The following POLD1 variants were observed in gnomAD, a reference collection of about 807,000 sequenced individuals.
The protein encoded by POLD1 is DNA polymerase delta catalytic subunit.
In POLD1, 79 loss-of-function variants were observed where a neutral mutation model predicts 129.7. The ratio of observed to expected loss-of-function variants is 0.61; its 90% CI spans 0.51 to 0.73. The LOEUF (loss-of-function observed/expected upper bound fraction) is 0.73, where lower values mean the gene tolerates loss of function less well. Among genes scored for constraint, POLD1 ranks in the 30% least tolerant of loss-of-function variants. The pLI is 0.00. For missense variants in POLD1, 1,338 were observed against 1,595.8 expected, an observed-to-expected ratio of 0.84 and a Z score of 2.75; for synonymous variants, 714 against 683.3, an observed-to-expected ratio of 1.04 and a Z score of -0.70.
Position 50,402,238 on chromosome 19 carries a change from C to G in POLD1, c.623C>G (p.Pro208Arg). 6.3e-7 allele frequency: 1 copy of G among 1,592,620 alleles called. No homozygotes were observed. Among genetic ancestry groups the G allele is most frequent in the Non-Finnish European group, 8.6e-7 (1 of 1,168,478 alleles). Residue 208 changes from proline (P) to arginine (R), a missense_variant, in exon 6 of 27, where the codon CCG (proline) becomes CGG (arginine). Transcript: ENST00000440232. ...MFGYHGHGPS[P>R]FLRITVALPR... ...GGGTACCACGGGCACGGCCCCTCCC[C>G]GTTCCTGCGCATCACCGTGGCGCTG...
chr19:50,409,673 A>G lies in POLD1; in HGVS notation c.2154+7A>G, dbSNP rs751340337. On this transcript the variant is annotated splice_region_variant and intron_variant, in intron 17 of 26. Transcript: ENST00000440232. The surrounding 1 kb of genome is among the most constrained non-coding windows in gnomAD (Gnocchi z 5.8). ...GTGCCTGGAGATCTCACAGGTGGGC[A>G]CTCGGGCCCCTGGAAGGCAACTGGG... 1 of 1,592,622 alleles carries G rather than the reference A, an allele frequency of 6.3e-7. No individual in the cohort carries two copies. Among genetic ancestry groups the G allele is most frequent in the South Asian group, 1.1e-5 (1 of 89,674 alleles).
intron 3 of POLD1, among the ~76,000 whole-genome samples, chr19:50,401,392 T>TGTATATGTGTGTG: frequency 2.1e-5 from 1 of 47,200 alleles, no homozygotes; most frequent in Non-Finnish European, 3.6e-5. Flanking sequence ...TATATATATA[T>TGTATATGTGTGTG]TTTTTTTTTT....
rs1484596172 is a variant in POLD1 at position 50,398,963 on chromosome 19, C to G, written c.112C>G (p.Leu38Val). The G allele has an allele frequency of 1.3e-6, 2 of 1,581,700 alleles. No homozygotes were observed. Among genetic ancestry groups the G allele is most frequent in the East Asian group, 2.3e-5 (1 of 43,846 alleles). Residue 38 changes from leucine (L) to valine (V), a missense_variant, in exon 2 of 27, where the codon CTG (leucine) becomes GTG (valine). Around this residue, in one of 3 missense-constraint regions of POLD1, gnomAD observed 332 missense variants for 315.7 expected, o/e 1.05. Transcript: ENST00000440232. ...APRPSQFEED[L>V]ALMEEMEAEH... is the part of the protein sequence containing the mutation. ...TCGGCCATCCCAATTCGAGGAGGAC[C>G]TGGCACTGATGGAGGAGATGGAGGC...
At chr19:50,407,651 C>T (rs1427372437) in intron 14 of POLD1, among the ~76,000 whole-genome samples, 2 of 151,132 alleles carry the variant, frequency 1.3e-5, no homozygotes, top group South Asian at 4.2e-4. Context: ...CTTTGCCTCC[C>T]GGGTTCACGC....
rs1555790184 is a variant in POLD1 at position 50,402,545 on chromosome 19, T to C, written c.840+10T>C. 8 of 1,588,874 alleles carry C rather than the reference T, an allele frequency of 5.0e-6. No individual in the cohort carries two copies. Among genetic ancestry groups the C allele is most frequent in the Non-Finnish European group, 6.0e-6 (7 of 1,167,930 alleles). On this transcript the variant is annotated intron_variant, in intron 7 of 26. Coordinates refer to ENST00000440232, the MANE Select transcript of POLD1 (RefSeq NM_002691.4). Reference sequence around the variant, plus strand: ...GAGGCTGAAGGAGAAGGTGCAGGGCTTCCCAGGGCAGGGCTGGGTGGGGAG... The same window carrying C: ...GAGGCTGAAGGAGAAGGTGCAGGGCCTCCCAGGGCAGGGCTGGGTGGGGAG...
At position 50,409,004 on chromosome 19, in the gene POLD1, G is replaced by C. The variant is rs1258476258; in HGVS notation, c.1892+103G>C. ...ATAGGCACAGGCCCAGAGATAGTAG[G>C]GAGTGGAGGGGTGCTTGAGGGGCCT... On this transcript the variant is annotated intron_variant, in intron 15 of 26. Transcript: ENST00000440232. This position sits in a 1 kb window ranked among gnomAD's most constrained non-coding sequence, Gnocchi z 5.8. 7.4e-7 allele frequency: 1 copy of C among 1,350,066 alleles called. No homozygotes were observed. The highest frequency in any genetic ancestry group is 1.8e-5 in the Admixed American group (1 of 55,986). The allele number at this position is 1,350,066 out of a possible 1,614,324, so 83.6% of individuals were successfully genotyped here. A position where few individuals can be genotyped will look rare whatever the true frequency, so the allele number is the denominator to read the frequency against.
intron 8 of POLD1, 59 bp from the exon 9 acceptor site, chr19:50,402,994 C>T: frequency 1.3e-6 from 2 of 1,538,160 alleles, no homozygotes; most frequent in Non-Finnish European, 1.8e-6. Flanking sequence ...GGTGCAGCCT[C>T]CCTGCTGTGT....
chr19:50,390,760 T>C (rs1258555358), intron 1 of POLD1, among the ~76,000 whole-genome samples: 3 of 151,990 alleles, frequency 2.0e-5, no homozygotes, highest in Non-Finnish European at 4.4e-5. Context: ...TACTTGAGAT[T>C]AGGGAGTGGT....
At chr19:50,384,596 G>C (rs2037904207) in intron 1 of POLD1, among the ~76,000 whole-genome samples, 1 of 151,990 alleles carries the variant, frequency 6.6e-6, no homozygotes, top group Admixed American at 6.5e-5. Flanking sequence ...ATTCCTCGGC[G>C]GGCAGGGGGC....
In POLD1 at chr19:50,409,609, C is replaced by T. The variant is rs748871980; in HGVS notation, c.2097C>T (p.Ser699=). The change falls in exon 17 of 27, where the codon TCC becomes TCT. Residue 699 remains serine, a synonymous_variant. Coordinates refer to ENST00000440232, the MANE Select transcript of POLD1 (RefSeq NM_002691.4). The surrounding 1 kb of genome is among the most constrained non-coding windows in gnomAD (Gnocchi z 5.8). ...RQLALKVSAN[S]VYGFTGAQVG... is the part of the protein sequence containing the mutation. ...TGGCGCTGAAGGTGAGCGCCAACTC[C>T]GTATACGGCTTCACTGGCGCCCAGG... The T allele has an allele frequency of 5.6e-6, 9 of 1,611,782 alleles. No homozygotes were observed. The highest frequency in any genetic ancestry group is 7.6e-6 in the Non-Finnish European group (9 of 1,178,834).
chr19:50,417,143 G>C, intron 25 of POLD1, 29 bp from the exon 26 acceptor site: 1 of 1,575,172 alleles, frequency 6.3e-7, no homozygotes, highest in Non-Finnish European at 8.6e-7. Flanking sequence ...GGAGGCGGGG[G>C]CGCCCTGCTC....
Position 50,401,900 on chromosome 19 carries a change from T to A in POLD1, c.439T>A (p.Tyr147Asn), listed in dbSNP as rs1326137249. 6.2e-7 allele frequency: 1 copy of A among 1,614,008 alleles called. No individual in the cohort carries two copies. The highest frequency in any genetic ancestry group is 8.5e-7 in the Non-Finnish European group (1 of 1,179,948). Residue 147 changes from tyrosine (Y) to asparagine (N), a missense_variant, in exon 4 of 27, where the codon TAC becomes AAC. This residue lies in a region of POLD1 where 332 missense variants were observed against 315.7 expected (regional missense o/e 1.05). Coordinates refer to ENST00000440232, the MANE Select transcript of POLD1 (RefSeq NM_002691.4). ...VCCHIHGFAP[Y>N]FYTPAPPGFG... ...CTGCCACATCCACGGCTTCGCTCCC[T>A]ACTTCTACACCCCAGCGCCCCCTGG...
Position 50,406,570 on chromosome 19 carries a change from C to T in POLD1, c.1494+53C>T, listed in dbSNP as rs977717767. ...CCCAACCTCTGACCTCCACCTCACC[C>T]TTCCCCGGCCTCTGACCTCAACTTC... On this transcript the variant is annotated intron_variant, in intron 12 of 26. Transcript: ENST00000440232. The surrounding 1 kb of genome is among the most constrained non-coding windows in gnomAD (Gnocchi z 5.5). The T allele has an allele frequency of 7.5e-7, 1 of 1,331,468 alleles. No individual in the cohort carries two copies. Among genetic ancestry groups the T allele is most frequent in the Non-Finnish European group, 1.1e-6 (1 of 948,916 alleles). The allele number at this position is 1,331,468 out of a possible 1,614,324, so 82.5% of individuals were successfully genotyped here. A position where few individuals can be genotyped will look rare whatever the true frequency, so the allele number is the denominator to read the frequency against.
chr19:50,416,399 C>A lies in POLD1; in HGVS notation c.2824C>A (p.Pro942Thr). 1 of 1,549,048 alleles carries A rather than the reference C, an allele frequency of 6.5e-7. No homozygotes were observed. The highest frequency in any genetic ancestry group is 8.7e-7 in the Non-Finnish European group (1 of 1,147,084). Residue 942 changes from proline to threonine, a missense_variant, in exon 23 of 27, where the codon CCG becomes ACG. Coordinates refer to ENST00000440232, the MANE Select transcript of POLD1 (RefSeq NM_002691.4). ...TGTGACTGCCATGTGGCCGCAGGAC[C>A]CGCTGTTCGTGCTGGAGCACAGCCT... ...GVAAYMKSED[P>T]LFVLEHSLPI...
rs1057522351 is a variant in POLD1, at chr19:50,402,469, G to T, written c.774G>T (p.Thr258=). The T allele has an allele frequency of 6.2e-7, 1 of 1,612,570 alleles. No homozygotes were observed. The highest frequency in any genetic ancestry group is 8.5e-7 in the Non-Finnish European group (1 of 1,179,430). Residue 258 remains threonine (T), a synonymous_variant, in exon 7 of 27, where the codon ACG becomes ACT. Coordinates refer to ENST00000440232, the MANE Select transcript of POLD1 (RefSeq NM_002691.4). ...VDFEIRFMVD[T]DIVGCNWLEL... ...CCCCCTCCAGGTTCATGGTGGACAC[G>T]GACATCGTCGGCTGCAACTGGCTGG...
rs866377767 is a variant in POLD1 at position 50,396,947 on chromosome 19, T to C, written c.-1-1904T>C. ...CCTGTCTCTACTAAAATACAAAAATTAGCCAGGCATGGTGGTGGGCACCTG... is the reference window on the plus strand; with the variant it reads ...CCTGTCTCTACTAAAATACAAAAATCAGCCAGGCATGGTGGTGGGCACCTG... On this transcript the variant is annotated intron_variant, in intron 1 of 26. Transcript: ENST00000440232. Among the ~76,000 whole-genome samples the C allele has an allele frequency of 5.8e-4, 86 of 147,870 alleles. 1 individual carries two copies. Among genetic ancestry groups the C allele is most frequent in the African/African-American group, 2.0e-3 (82 of 40,022 alleles).
chr19:50,417,682 ACCC>A (rs1181000676), intron 26 of POLD1, among the ~76,000 whole-genome samples, 157 bp from the exon 27 acceptor site: 22 of 77,430 alleles, frequency 2.8e-4, no homozygotes, highest in African/African-American at 1.3e-3. Flanking sequence ...CCCCCCCCCC[ACCC>A]CCCCCGTGCC....
chr19:50,399,968 C>T (rs891346863), intron 3 of POLD1, among the ~76,000 whole-genome samples: 16 of 150,940 alleles, frequency 1.1e-4, no homozygotes, highest in African/African-American at 3.4e-4. Flanking sequence ...GTGCACACCA[C>T]CATGCCTGGC....
rs758877520 is a variant in POLD1 at position 50,402,203 on chromosome 19, A to G, written c.590-2A>G. The G allele has an allele frequency of 1.3e-5, 21 of 1,582,758 alleles. No individual in the cohort carries two copies. Among genetic ancestry groups the G allele is most frequent in the Non-Finnish European group, 1.7e-5 (20 of 1,162,988 alleles). On this transcript the variant is annotated splice_acceptor_variant, in intron 5 of 26. Coordinates refer to ENST00000440232, the MANE Select transcript of POLD1 (RefSeq NM_002691.4). LOFTEE classifies it high-confidence loss of function. The stretch of plus-strand genomic sequence containing the variant: ...GCTGGTCCCAGCTTCTTCCATCCAC[A>G]GGCATGTTTGGGTACCACGGGCACG...
Sources: gnomAD v4.1 joint callset for allele counts (sites outside exome capture counted in the v4.1 genomes callset) on GRCh38, gnomAD v4.1.1 for gene constraint, gnomAD v4.1.1 regional missense constraint, Gnocchi (gnomAD v3.1) non-coding constraint, MANE v1.5 for transcripts, NCBI Gene and HGNC (gene_info 2026-07-23, HGNC 2026-07-21) for gene names.